Variants in LAMA2 observed in about 807,000 individuals in gnomAD.
LAMA2 encodes the protein laminin subunit alpha-2.
In LAMA2, 269 loss-of-function variants were observed where a neutral mutation model predicts 364.8. The observed-to-expected ratio is 0.74, with a 90% CI of 0.67 to 0.82. LAMA2 has a LOEUF of 0.82. Ranked by LOEUF, LAMA2 falls within the 40% of genes least tolerant of loss-of-function variation. The pLI is 0.00. For synonymous variants in LAMA2, 1,379 were observed against 1,370.6 expected, an observed-to-expected ratio of 1.01 and a Z score of -0.14; for missense variants, 3,807 against 3,873.2, an observed-to-expected ratio of 0.98 and a Z score of 0.45.
chr6:129,237,479 G>A (rs562183937), intron 12 of LAMA2, among the ~76,000 whole-genome samples: 17 of 152,134 alleles, frequency 1.1e-4, no homozygotes, highest in South Asian at 8.3e-4. Context: ...GGGATTACAG[G>A]TGCTTGCCAC....
At position 129,018,656 on chromosome 6, in the gene LAMA2, C is replaced by T. The variant is rs560937454; in HGVS notation, c.113-31262C>T. Reference sequence around the variant, plus strand: ...CTGGATATTTCTAAATGATAGGGTCCTATTCATATATCTCAACTTGTCAAT... The same window carrying T: ...CTGGATATTTCTAAATGATAGGGTCTTATTCATATATCTCAACTTGTCAAT... On this transcript the variant is annotated intron_variant, in intron 1 of 64. Transcript: ENST00000421865. Among the ~76,000 whole-genome samples, 6 of 151,848 alleles carry T rather than the reference C, an allele frequency of 4.0e-5. No individual in the cohort carries two copies. The South Asian group carries it at 1.0e-3, about 26-fold the overall frequency.
intron 40 of LAMA2, among the ~76,000 whole-genome samples, chr6:129,419,962 G>A (rs1780991996): frequency 6.6e-6 from 1 of 152,046 alleles, no homozygotes; most frequent in South Asian, 2.1e-4. Flanking sequence ...GATGCATGGT[G>A]ATTTTCTTAT....
At position 129,349,311 on chromosome 6, in the gene LAMA2, T is replaced by C. The variant is rs776785855; in HGVS notation, c.4450T>C (p.Cys1484Arg). Reference protein sequence around the residue: ...ISSSNNFSPSCVAEGLDDYRC... With the variant: ...ISSSNNFSPSRVAEGLDDYRC... ...TTTCTGATTCAGTTTCAGCCCCTCT[T>C]GTGTCGCAGAAGGACTTGACGACTA... Residue 1484 changes from cysteine to arginine, a missense_variant, in exon 31 of 65, where the codon TGT (cysteine) becomes CGT (arginine). By Grantham distance (180) the Cys-to-Arg change is radical (BLOSUM62 -3). Around this residue, in one of 3 missense-constraint regions of LAMA2, gnomAD observed 3,333 missense variants for 3,345.7 expected, o/e 1.00. Coordinates refer to ENST00000421865, the MANE Select transcript of LAMA2 (RefSeq NM_000426.4). 3.1e-6 allele frequency: 5 copies of C among 1,613,388 alleles called. No homozygotes were observed. The Admixed American group carries it at 8.3e-5, about 27-fold the overall frequency.
chr6:129,185,849 G>A (rs576273852), intron 10 of LAMA2, among the ~76,000 whole-genome samples: 415 of 151,856 alleles, frequency 2.7e-3, no homozygotes, highest in African/African-American at 9.7e-3. Context: ...TAATGTAATT[G>A]ATTAGAATAA....
intron 1 of LAMA2, among the ~76,000 whole-genome samples, chr6:129,044,663 T>C (rs1039362846): frequency 3.3e-5 from 5 of 151,960 alleles, no homozygotes; most frequent in Admixed American, 3.3e-4. Context: ...TGTTTGATTT[T>C]TGTTCAGACA....
chr6:129,458,022 T>C (rs1404472820), intron 48 of LAMA2, among the ~76,000 whole-genome samples: 1 of 152,114 alleles, frequency 6.6e-6, no homozygotes, highest in Non-Finnish European at 1.5e-5. Context: ...CATAAGAATT[T>C]TGAGAGGGAC....
intron 37 of LAMA2, 110 bp from the exon 38 acceptor site, chr6:129,401,114 T>G (rs1158789432): frequency 1.3e-6 from 1 of 794,482 alleles, no homozygotes; most frequent in Non-Finnish European, 2.3e-6. Flanking sequence ...TTCAACATGA[T>G]GTACCTTTTT....
At chr6:129,152,029 A>T (rs945767277) in intron 7 of LAMA2, among the ~76,000 whole-genome samples, 1 of 152,214 alleles carries the variant, frequency 6.6e-6, no homozygotes, top group African/African-American at 2.4e-5. Flanking sequence ...AAATGTCAGC[A>T]GGTTGGGAAA....
intron 20 of LAMA2, among the ~76,000 whole-genome samples, chr6:129,296,682 G>A (rs1773202667): frequency 6.6e-6 from 1 of 151,706 alleles, no homozygotes; most frequent in East Asian, 1.9e-4. Context: ...TTACCAAGAA[G>A]CAATTATTAA....
chr6:128,897,731 G>T (rs547902829), intron 1 of LAMA2, among the ~76,000 whole-genome samples: 3 of 152,266 alleles, frequency 2.0e-5, no homozygotes, highest in African/African-American at 7.2e-5. Context: ...GTTGATCAAA[G>T]ATCTTGTAAT....
intron 17 of LAMA2, among the ~76,000 whole-genome samples, chr6:129,271,347 T>G (rs955683621): frequency 2.1e-4 from 32 of 152,056 alleles, no homozygotes; most frequent in African/African-American, 7.7e-4. Flanking sequence ...TTTCCTTACC[T>G]TTTAGAGGAA....
intron 30 of LAMA2, 95 bp from the exon 31 acceptor site, chr6:129,349,203 A>T (rs1776721814): frequency 2.2e-6 from 2 of 927,022 alleles, no homozygotes; most frequent in South Asian, 2.7e-5. Flanking sequence ...TACTACCTAA[A>T]AGTATGTCCC....
chr6:128,960,462 A>AC (rs201946370), intron 1 of LAMA2, among the ~76,000 whole-genome samples: 2,353 of 99,300 alleles, frequency 0.024, 93 homozygotes, highest in African/African-American at 0.091. Flanking sequence ...CCTTGGCCCC[A>AC]CCCCGCCCCC....
intron 12 of LAMA2, among the ~76,000 whole-genome samples, chr6:129,200,133 TACGTGTACACATATAC>T (rs1213336536): frequency 7.9e-6 from 1 of 126,852 alleles, no homozygotes; most frequent in Non-Finnish European, 1.7e-5. Flanking sequence ...TGTATATATA[TACGTGTACACATATAC>T]ACGTGTATAT....
chr6:128,921,394 T>C (rs899238337), intron 1 of LAMA2, among the ~76,000 whole-genome samples: 2 of 152,190 alleles, frequency 1.3e-5, no homozygotes, highest in Admixed American at 6.5e-5. Flanking sequence ...CAGGTAACTA[T>C]GAATGTGACC....
rs181799699 is a variant in LAMA2 at position 129,167,254 on chromosome 6, G to T, written c.1306+1579G>T. Among the ~76,000 whole-genome samples, 691 of 151,364 alleles carry T rather than the reference G, an allele frequency of 4.6e-3. 4 individuals are homozygous for T. Among genetic ancestry groups the T allele is most frequent in the African/African-American group, 0.016 (658 of 41,242 alleles). The stretch of plus-strand genomic sequence containing the variant: ...TATACATGTGCCATGCTGGTGCACT[G>T]CACCCACTAACTCGTCATCTAGCAT... On this transcript the variant is annotated intron_variant, in intron 9 of 64. Coordinates refer to ENST00000421865, the MANE Select transcript of LAMA2 (RefSeq NM_000426.4).
intron 18 of LAMA2, among the ~76,000 whole-genome samples, chr6:129,280,623 C>T (rs143805359): frequency 1.1e-3 from 162 of 152,198 alleles, no homozygotes; most frequent in African/African-American, 3.2e-3. Context: ...GATTTATATC[C>T]TCTTCTAATT....
At chr6:128,989,898 C>T (rs951374256) in intron 1 of LAMA2, among the ~76,000 whole-genome samples, 1 of 151,996 alleles carries the variant, frequency 6.6e-6, no homozygotes, top group African/African-American at 2.4e-5. Flanking sequence ...CGTTTTTTTT[C>T]TGTAGCCTCG....
intron 4 of LAMA2, among the ~76,000 whole-genome samples, chr6:129,117,665 C>A (rs772243452): frequency 4.6e-5 from 7 of 152,208 alleles, no homozygotes; most frequent in Non-Finnish European, 8.8e-5. Flanking sequence ...ATTTTTCTAG[C>A]ATACAGTTTG....
Sources: gnomAD v4.1 joint callset for allele counts (sites outside exome capture counted in the v4.1 genomes callset) on GRCh38, gnomAD v4.1.1 for gene constraint, gnomAD v4.1.1 regional missense constraint, MANE v1.5 for transcripts, NCBI Gene and HGNC (gene_info 2026-07-23, HGNC 2026-07-21) for gene names.